Variants in PLEKHH2 observed in about 807,000 individuals in gnomAD.
PLEKHH2 encodes pleckstrin homology, MyTH4 and FERM domain containing H2.
PLEKHH2 carries 129 observed loss-of-function variants against 187.9 expected under a neutral mutation model. The observed-to-expected ratio is 0.69, with a 90% confidence interval of 0.59 to 0.79. The LOEUF is 0.79. PLEKHH2 is among the 30% of genes least tolerant of loss of function. The pLI is 0.00. For synonymous variants in PLEKHH2, 686 were observed against 605.6 expected (o/e 1.13, Z -1.95); for missense variants, 2,076 against 1,751.2 (o/e 1.19, Z -3.31).
At chr2:43,723,668 C>T (rs1340584621) in intron 16 of PLEKHH2, among the ~76,000 whole-genome samples, 1 of 152,154 alleles carries the variant, frequency 6.6e-6, no homozygotes, top group East Asian at 1.9e-4. Flanking sequence ...CTTCTTGCAC[C>T]TGCTGCTTTT....
chr2:43,648,392 T>G (rs1017038777), intron 2 of PLEKHH2, among the ~76,000 whole-genome samples: 2 of 152,140 alleles, frequency 1.3e-5, no homozygotes, highest in African/African-American at 4.8e-5. Flanking sequence ...TTTCACCATA[T>G]TGGCCAGGAT....
intron 18 of PLEKHH2, among the ~76,000 whole-genome samples, chr2:43,730,350 C>T (rs1265904074): frequency 6.6e-6 from 1 of 152,036 alleles, no homozygotes; most frequent in Non-Finnish European, 1.5e-5. Context: ...CCAGTGTGGC[C>T]CAGGGAAGCC....
At chr2:43,688,623 T>A (rs1668641824) in intron 3 of PLEKHH2, among the ~76,000 whole-genome samples, 1 of 152,220 alleles carries the variant, frequency 6.6e-6, no homozygotes, top group South Asian at 2.1e-4. Context: ...AACAGTACTC[T>A]TGGGTTCAGT....
intron 23 of PLEKHH2, among the ~76,000 whole-genome samples, chr2:43,744,945 G>A (rs1441376481): frequency 6.6e-6 from 1 of 151,636 alleles, no homozygotes; most frequent in African/African-American, 2.4e-5. Context: ...GAAAAGGGAG[G>A]GATTTTAAAA....
At chr2:43,761,546 G>T (rs968673980) in intron 27 of PLEKHH2, among the ~76,000 whole-genome samples, 3 of 151,742 alleles carry the variant, frequency 2.0e-5, no homozygotes, top group Non-Finnish European at 4.4e-5. Flanking sequence ...AAGTAGATCG[G>T]ATTACAGGCG....
rs2104484281 is a variant in PLEKHH2 at position 43,699,922 on chromosome 2, A to G, written c.964A>G (p.Ser322Gly). 3 of 1,614,146 alleles carry G rather than the reference A, an allele frequency of 1.9e-6. No homozygotes were observed. Among genetic ancestry groups the G allele is most frequent in the Non-Finnish European group, 2.5e-6 (3 of 1,180,000 alleles). ...AGGGGTCCAGTGTAGCAGGATGGGAAGTGAAATGTATCTGACAGCATCTGA... is the reference window on the plus strand; with the variant it reads ...AGGGGTCCAGTGTAGCAGGATGGGAGGTGAAATGTATCTGACAGCATCTGA... The part of the protein sequence containing the change: ...EEGVQCSRMG[S>G]EMYLTASDDS... Residue 322 changes from serine (S) to glycine (G), a missense_variant, in exon 8 of 30, where the codon AGT becomes GGT. Ser to Gly is a moderately conservative substitution (Grantham distance 56, BLOSUM62 0). Transcript: ENST00000282406.
At chr2:43,645,080 G>A (rs1305958850) in intron 2 of PLEKHH2, among the ~76,000 whole-genome samples, 1 of 151,974 alleles carries the variant, frequency 6.6e-6, no homozygotes, top group Admixed American at 6.6e-5. Context: ...TTTATTAGAG[G>A]AGTATGACAG....
intron 2 of PLEKHH2, among the ~76,000 whole-genome samples, chr2:43,674,444 T>C (rs1310698165): frequency 6.6e-6 from 1 of 152,218 alleles, no homozygotes; most frequent in Non-Finnish European, 1.5e-5. Context: ...GTTTTTGGTT[T>C]AGGGAATATT....
rs767243562 is a variant in PLEKHH2, at chr2:43,762,363, T to G, written c.4131T>G (p.Gly1377=). 6.2e-7 allele frequency: 1 copy of G among 1,612,164 alleles called. No homozygotes were observed. Among genetic ancestry groups the G allele is most frequent in the South Asian group, 1.1e-5 (1 of 91,026 alleles). ...TFLWLAVHED[G]LSLLEYNSMR... is the part of the protein sequence containing the mutation. ...TGTGGCTGGCTGTACATGAGGATGG[T>G]TTAAGCCTCTTAGAATACAACTCCA... Residue 1377 remains glycine (G), a synonymous_variant, in exon 28 of 30, where the codon GGT becomes GGG. Coordinates refer to ENST00000282406, the MANE Select transcript of PLEKHH2 (RefSeq NM_172069.4).
chr2:43,638,914 C>T (rs1458843900), intron 1 of PLEKHH2, among the ~76,000 whole-genome samples: 1 of 152,090 alleles, frequency 6.6e-6, no homozygotes, highest in Non-Finnish European at 1.5e-5. Flanking sequence ...TATTATGACC[C>T]ATTAATAGGG....
At chr2:43,763,645 C>T (rs900283378) in intron 28 of PLEKHH2, among the ~76,000 whole-genome samples, 1 of 149,802 alleles carries the variant, frequency 6.7e-6, no homozygotes, top group African/African-American at 2.5e-5. Context: ...AGGCTAGGCT[C>T]AAGTGATCCT....
In PLEKHH2 at chr2:43,680,898, T is replaced by C. The variant is rs532566180; in HGVS notation, c.186+1973T>C. On this transcript the variant is annotated intron_variant, in intron 3 of 29. Coordinates refer to ENST00000282406, the MANE Select transcript of PLEKHH2 (RefSeq NM_172069.4). The stretch of plus-strand genomic sequence containing the variant: ...TTCCATTTGACAAGTAGAATTTCTG[T>C]TTCTGCCTGGTTGAAATTTATGTCC... 20 of 598,620 alleles carry C rather than the reference T, an allele frequency of 3.3e-5. No individual in the cohort carries two copies. The African/African-American group carries it at 3.4e-4, about 10-fold the overall frequency. 37.1% of individuals were successfully genotyped at this position (598,620 alleles called of 1,614,324 possible).
rs10530805 is a variant in PLEKHH2, at chr2:43,703,916, C to CTTTTTT, written c.1651-45_1651-40dup. 23 of 387,574 alleles carry CTTTTTT rather than the reference C, an allele frequency of 5.9e-5. 1 individual carries two copies. The highest frequency in any genetic ancestry group is 1.5e-4 in the East Asian group (2 of 13,326). 24.0% of individuals were successfully genotyped at this position (387,574 alleles called of 1,614,324 possible). A position where few individuals can be genotyped will look rare whatever the true frequency, so the allele number is the denominator to read the frequency against. Reference sequence around the variant, plus strand: ...GAAAAACATGTGTATTGAAAGTAGTCTTTTTTTTTTTTTTTTTTTTTTTTT... The same window carrying CTTTTTT: ...GAAAAACATGTGTATTGAAAGTAGTCTTTTTTTTTTTTTTTTTTTTTTTTTTTTTTT... On this transcript the variant is annotated intron_variant, in intron 8 of 29. Transcript: ENST00000282406.
intron 6 of PLEKHH2, among the ~76,000 whole-genome samples, chr2:43,695,986 A>G (rs1669072267): frequency 6.6e-6 from 1 of 152,066 alleles, no homozygotes. Flanking sequence ...CTTGCATGCA[A>G]ATGTCATAAC....
At chr2:43,654,473 G>T (rs1279059734) in intron 2 of PLEKHH2, among the ~76,000 whole-genome samples, 1 of 151,850 alleles carries the variant, frequency 6.6e-6, no homozygotes, top group Non-Finnish European at 1.5e-5. Context: ...GGGATTACAG[G>T]CGTGAGCCAC....
At chr2:43,755,414 A>T (rs1409800943) in intron 25 of PLEKHH2, among the ~76,000 whole-genome samples, 2 of 151,964 alleles carry the variant, frequency 1.3e-5, no homozygotes, top group Admixed American at 1.3e-4. Flanking sequence ...TAAGGTTCGG[A>T]TCATTGTCTC....
chr2:43,698,251 CT>C (rs34391523), intron 7 of PLEKHH2, among the ~76,000 whole-genome samples: 171 of 143,832 alleles, frequency 1.2e-3, no homozygotes, highest in Non-Finnish European at 1.5e-3. Context: ...TTCTCTCTCT[CT>C]TTTTTTTTTT....
intron 20 of PLEKHH2, 123 bp from the exon 21 acceptor site, chr2:43,740,823 A>G: frequency 1.4e-6 from 2 of 1,428,924 alleles, no homozygotes; most frequent in Non-Finnish European, 1.8e-6. Context: ...CAGATCATGC[A>G]TATGTGAAAG....
At chr2:43,765,385 C>A (rs761674830) in intron 29 of PLEKHH2, 28 bp from the exon 30 acceptor site, 1 of 1,603,484 alleles carries the variant, frequency 6.2e-7, no homozygotes, top group African/African-American at 1.3e-5. Flanking sequence ...TTCTAAGGAG[C>A]AAAACAATTC....
Sources: allele counts gnomAD v4.1 joint callset (sites outside exome capture counted in the v4.1 genomes callset), GRCh38; gene constraint gnomAD v4.1.1; transcripts MANE v1.5; gene names NCBI Gene and HGNC (gene_info 2026-07-23, HGNC 2026-07-21).